The following CWF19L2 variants were observed in gnomAD, a reference collection of about 807,000 sequenced individuals.
The protein encoded by CWF19L2 is CWF19-like protein 2.
A neutral mutation model predicts 111.7 loss-of-function variants in CWF19L2; 98 were observed. That is an observed-to-expected ratio of 0.88 (90% CI 0.75 to 1.04). The LOEUF (loss-of-function observed/expected upper bound fraction) is 1.04. Ranked by LOEUF, CWF19L2 falls within the 50% of genes least tolerant of loss-of-function variation. The pLI, the probability that CWF19L2 is intolerant of heterozygous loss-of-function variation, is 0.00. For synonymous variants in CWF19L2, 351 were observed against 342.9 expected (o/e 1.02, Z -0.26); for missense variants, 1,101 against 1,051.4 (o/e 1.05, Z -0.65).
chr11:107,393,000 C>T (rs958897324), intron 10 of CWF19L2, 105 bp from the exon 11 acceptor site: 9 of 681,384 alleles, frequency 1.3e-5, no homozygotes, highest in Admixed American at 3.6e-5. Context: ...TTCCACATAA[C>T]GTTGTGGATT....
At chr11:107,413,794 T>A (rs1861189793) in intron 10 of CWF19L2, among the ~76,000 whole-genome samples, 1 of 152,228 alleles carries the variant, frequency 6.6e-6, no homozygotes, top group Admixed American at 6.5e-5. Flanking sequence ...GTTATCTAAG[T>A]CATGAATGAT....
chr11:107,437,716 C>T (rs1861562801), intron 6 of CWF19L2, among the ~76,000 whole-genome samples: 1 of 152,074 alleles, frequency 6.6e-6, no homozygotes, highest in African/African-American at 2.4e-5. Flanking sequence ...TAAAAGATAC[C>T]ACCTAAAGTA....
In CWF19L2 at chr11:107,370,037, C is replaced by T. The variant is rs1390144952; in HGVS notation, c.1873-16301G>A. Among the ~76,000 whole-genome samples the T allele has an allele frequency of 2.9e-5, 4 of 137,396 alleles. 1 individual carries two copies. Among genetic ancestry groups the T allele is most frequent in the African/African-American group, 1.2e-4 (4 of 34,424 alleles). The allele number at this position is 137,396 out of a possible 152,430, so 90.1% of individuals were successfully genotyped here. Reference sequence around the variant, plus strand: ...CACATTTCCATTATTGACATAACTACCAAATAAGCATCCAACAAAGTCAAC... The same window carrying T: ...CACATTTCCATTATTGACATAACTATCAAATAAGCATCCAACAAAGTCAAC... On this transcript the variant is annotated intron_variant, in intron 12 of 17. Coordinates refer to ENST00000282251, the MANE Select transcript of CWF19L2 (RefSeq NM_152434.3).
At chr11:107,361,995 G>C (rs1256462038) in intron 12 of CWF19L2, among the ~76,000 whole-genome samples, 4 of 152,230 alleles carry the variant, frequency 2.6e-5, no homozygotes, top group African/African-American at 9.6e-5. Context: ...AGCAGGGCGA[G>C]GCATTGCCGC....
chr11:107,454,642 G>T, intron 2 of CWF19L2, 70 bp from the exon 3 acceptor site: 78 of 1,073,144 alleles, frequency 7.3e-5, no homozygotes, highest in Middle Eastern at 2.4e-4. Context: ...TATTCTGAGA[G>T]AAAAAAAATA....
At chr11:107,414,315 C>A (rs1365832939) in intron 10 of CWF19L2, among the ~76,000 whole-genome samples, 1 of 152,034 alleles carries the variant, frequency 6.6e-6, no homozygotes, top group Admixed American at 6.6e-5. Flanking sequence ...ACCTCAGCCT[C>A]CCAAGTAGCT....
chr11:107,376,444 G>T (rs1445879104), intron 12 of CWF19L2, among the ~76,000 whole-genome samples: 1 of 97,768 alleles, frequency 1.0e-5, no homozygotes, highest in Non-Finnish European at 1.9e-5. Flanking sequence ...TCCCTGGGAT[G>T]CAAGGCTGGT....
chr11:107,420,638 T>C (rs67428239), intron 8 of CWF19L2, among the ~76,000 whole-genome samples: 23,767 of 152,038 alleles, frequency 0.16, 2,140 homozygotes, highest in Middle Eastern at 0.27. Flanking sequence ...TCTTGGATAG[T>C]ACCAAACCTT....
At chr11:107,359,099 T>C (rs558661022) in intron 12 of CWF19L2, among the ~76,000 whole-genome samples, 1 of 152,326 alleles carries the variant, frequency 6.6e-6, no homozygotes, top group South Asian at 2.1e-4. Flanking sequence ...CTTACCATCA[T>C]GAGTTTGGAC....
chr11:107,327,094 A>C (rs1859773152), intron 17 of CWF19L2, 41 bp from the exon 18 acceptor site: 3 of 1,498,584 alleles, frequency 2.0e-6, no homozygotes, highest in East Asian at 2.4e-5. Context: ...AGCATGTATA[A>C]ATAATGAAAA....
chr11:107,440,159 G>T (rs2135419580), intron 5 of CWF19L2, among the ~76,000 whole-genome samples: 1 of 152,262 alleles, frequency 6.6e-6, no homozygotes, highest in African/African-American at 2.4e-5. Context: ...AAAGTAAAGG[G>T]TGCTAAAGAA....
chr11:107,402,586 G>A (rs921855160), intron 10 of CWF19L2, among the ~76,000 whole-genome samples: 1 of 151,968 alleles, frequency 6.6e-6, no homozygotes, highest in Non-Finnish European at 1.5e-5. Flanking sequence ...AACAGTAGAT[G>A]TCAGCGTGGA....
At chr11:107,403,882 T>C in intron 10 of CWF19L2, 2 of 794,310 alleles carry the variant, frequency 2.5e-6, no homozygotes, top group Non-Finnish European at 4.4e-6. Context: ...CCTCCTGTAT[T>C]TGAAGAAGTT....
rs1284185597 is a variant in CWF19L2 at position 107,374,111 on chromosome 11, G to A, written c.1872+15963C>T. On this transcript the variant is annotated intron_variant, in intron 12 of 17. Transcript: ENST00000282251. Reference sequence around the variant, plus strand: ...AATGAGCAAAGCCTCCAAGAAATATGGGACTATGTGAAAAGACCAAATCTA... The same window carrying A: ...AATGAGCAAAGCCTCCAAGAAATATAGGACTATGTGAAAAGACCAAATCTA... Among the ~76,000 whole-genome samples, 4 of 135,798 alleles carry A rather than the reference G, an allele frequency of 2.9e-5. 1 individual carries two copies. Among genetic ancestry groups the A allele is most frequent in the Non-Finnish European group, 6.3e-5 (4 of 63,964 alleles). The allele number at this position is 135,798 out of a possible 152,430, so 89.1% of individuals were successfully genotyped here.
chr11:107,448,072 G>A (rs1289651614), intron 3 of CWF19L2, among the ~76,000 whole-genome samples: 6 of 152,166 alleles, frequency 3.9e-5, no homozygotes, highest in African/African-American at 9.6e-5. Context: ...TCGGCCAGGC[G>A]CAGTGGCTCA....
intron 12 of CWF19L2, among the ~76,000 whole-genome samples, chr11:107,372,770 C>G (rs1385189118): frequency 7.5e-6 from 1 of 132,580 alleles, no homozygotes; most frequent in East Asian, 2.2e-4. Flanking sequence ...GTTGAGGAGC[C>G]AAGATGGCCA....
chr11:107,335,089 G>C (rs575351435), intron 15 of CWF19L2, 128 bp from the exon 16 acceptor site: 119 of 550,540 alleles, frequency 2.2e-4, no homozygotes, highest in Non-Finnish European at 2.2e-5. Flanking sequence ...ATTCTGAACT[G>C]ATTAAGGCTT....
At chr11:107,433,100 A>C (rs1861487456) in intron 7 of CWF19L2, among the ~76,000 whole-genome samples, 1 of 152,200 alleles carries the variant, frequency 6.6e-6, no homozygotes, top group African/African-American at 2.4e-5. Context: ...TATTCCAGAA[A>C]TCTTACTACT....
At chr11:107,442,637 T>C (rs1861634010) in intron 4 of CWF19L2, among the ~76,000 whole-genome samples, 2 of 150,746 alleles carry the variant, frequency 1.3e-5, no homozygotes, top group Admixed American at 1.3e-4. Flanking sequence ...AGAGCTCTGA[T>C]TGTGCCACTG....
Sources: gnomAD v4.1 joint callset for allele counts (sites outside exome capture counted in the v4.1 genomes callset) on GRCh38, gnomAD v4.1.1 for gene constraint, MANE v1.5 for transcripts, NCBI Gene and HGNC (gene_info 2026-07-23, HGNC 2026-07-21) for gene names.